TBC1D1: variants seen among roughly 807,000 people sequenced by gnomAD.
The protein encoded by TBC1D1 is TBC1 domain family member 1.
In TBC1D1, 89 loss-of-function variants were observed where a neutral mutation model predicts 125.6. That is an observed-to-expected ratio of 0.71 (90% CI 0.60 to 0.85). The LOEUF (loss-of-function observed/expected upper bound fraction) is 0.85, where lower values mean the gene tolerates loss of function less well. Ranked by LOEUF, TBC1D1 falls within the 40% of genes least tolerant of loss-of-function variation. The pLI is 0.00. For synonymous variants in TBC1D1, 565 were observed against 564.1 expected (o/e 1.00, Z -0.02); for missense variants, 1,377 against 1,469.2 (o/e 0.94, Z 1.03).
intron 12 of TBC1D1, among the ~76,000 whole-genome samples, chr4:38,070,597 G>T (rs548983919): frequency 2.1e-4 from 32 of 152,172 alleles, no homozygotes; most frequent in African/African-American, 7.7e-4. Flanking sequence ...GTATAAAGGG[G>T]TATATGATTT....
chr4:38,003,593 TGTG>T (rs1374493111), intron 2 of TBC1D1, among the ~76,000 whole-genome samples: 1 of 152,148 alleles, frequency 6.6e-6, no homozygotes, highest in African/African-American at 2.4e-5. Flanking sequence ...GGCAGTCAGA[TGTG>T]GTGGCTCATA....
At chr4:38,033,888 A>G (rs1286113325) in intron 7 of TBC1D1, among the ~76,000 whole-genome samples, 1 of 152,200 alleles carries the variant, frequency 6.6e-6, no homozygotes, top group African/African-American at 2.4e-5. Flanking sequence ...CTCATTGCTG[A>G]ATAATACTCA....
At position 37,942,537 on chromosome 4, in the gene TBC1D1, G is replaced by GT. The variant is rs1039023009; in HGVS notation, c.417+40033dup. On this transcript the variant is annotated intron_variant, in intron 2 of 19. Coordinates refer to ENST00000261439, the MANE Select transcript of TBC1D1 (RefSeq NM_015173.4). ...ATTTACACTTAAGGTTAATATTGGT[G>GT]TTTTTTTTGTTTTTTTTTTAGGACG... Among the ~76,000 whole-genome samples the GT allele has an allele frequency of 3.3e-4, 50 of 150,872 alleles. 1 individual carries two copies. The highest frequency in any genetic ancestry group is 9.8e-4 in the East Asian group (5 of 5,124).
chr4:37,898,499 A>G (rs1296806228), intron 1 of TBC1D1, among the ~76,000 whole-genome samples: 1 of 152,194 alleles, frequency 6.6e-6, no homozygotes, highest in African/African-American at 2.4e-5. Flanking sequence ...CATGGAAGAT[A>G]GAAATAGAGT....
rs768250413 is a variant in TBC1D1 at position 38,035,748 on chromosome 4, CTGTAT to C, written c.1413+51_1413+55del. The stretch of plus-strand genomic sequence containing the variant: ...TTGTTGCCAAGTCTCTGCCAAGTCT[CTGTAT>C]AAACAACGTTTTGAGGATTTTCTGA... On this transcript the variant is annotated intron_variant, in intron 8 of 19. Transcript: ENST00000261439. The C allele has an allele frequency of 3.4e-5, 45 of 1,336,852 alleles. No individual in the cohort carries two copies. The South Asian group carries it at 5.5e-4, about 16-fold the overall frequency. 82.8% of individuals were successfully genotyped at this position (1,336,852 alleles called of 1,614,324 possible).
At chr4:37,953,764 T>TG (rs1292631172) in intron 2 of TBC1D1, among the ~76,000 whole-genome samples, 1 of 152,154 alleles carries the variant, frequency 6.6e-6, no homozygotes, top group East Asian at 1.9e-4. Flanking sequence ...TTGAGAAGAT[T>TG]GGATGGTTAC....
intron 11 of TBC1D1, among the ~76,000 whole-genome samples, 162 bp from the exon 14 acceptor site, chr4:38,054,037 G>A (rs552405462): frequency 2.0e-5 from 3 of 152,318 alleles, no homozygotes; most frequent in African/African-American, 7.2e-5. Flanking sequence ...CAGTTCTTTA[G>A]GAATGATGAC....
intron 14 of TBC1D1, among the ~76,000 whole-genome samples, chr4:38,101,030 T>C (rs1313519652): frequency 6.6e-6 from 1 of 152,232 alleles, no homozygotes; most frequent in Non-Finnish European, 1.5e-5. Context: ...GCCTCTCTTT[T>C]CTTTACCATG....
chr4:38,093,053 A>G (rs896208391), intron 13 of TBC1D1, among the ~76,000 whole-genome samples: 1 of 152,182 alleles, frequency 6.6e-6, no homozygotes, highest in Admixed American at 6.5e-5. Flanking sequence ...TCTTGTCAAC[A>G]TTATAAGAAA....
chr4:37,917,771 C>T (rs1720047442), intron 2 of TBC1D1, among the ~76,000 whole-genome samples: 1 of 152,164 alleles, frequency 6.6e-6, no homozygotes, highest in Admixed American at 6.5e-5. Flanking sequence ...GGACTATATA[C>T]TTTTGTACCA....
intron 2 of TBC1D1, among the ~76,000 whole-genome samples, chr4:37,992,923 G>A (rs1340176016): frequency 2.6e-5 from 4 of 151,650 alleles, no homozygotes; most frequent in Admixed American, 1.3e-4. Flanking sequence ...TCCTGCCTTG[G>A]CCTCCCGAGT....
intron 1 of TBC1D1, among the ~76,000 whole-genome samples, chr4:37,899,646 T>G (rs991005588): frequency 6.6e-6 from 1 of 152,226 alleles, no homozygotes; most frequent in Non-Finnish European, 1.5e-5. Flanking sequence ...AGAAGTCAGC[T>G]GCTGTCATCA....
At chr4:38,046,012 C>T in intron 10 of TBC1D1, 109 bp downstream of exon 10, 1 of 960,380 alleles carries the variant, frequency 1.0e-6, no homozygotes. Flanking sequence ...TTGCAAATTT[C>T]TTGGCACAGG....
chr4:38,028,775 C>T (rs941792449), intron 7 of TBC1D1, among the ~76,000 whole-genome samples: 3 of 152,194 alleles, frequency 2.0e-5, no homozygotes, highest in East Asian at 1.9e-4. Context: ...AACCTCTGCC[C>T]GCCCCTTCCC....
intron 19 of TBC1D1, among the ~76,000 whole-genome samples, chr4:38,135,906 A>G (rs191327003): frequency 2.7e-5 from 4 of 148,212 alleles, no homozygotes; most frequent in Admixed American, 1.4e-4. Flanking sequence ...GTGTGTGTAT[A>G]TATACGTGTG....
intron 12 of TBC1D1, among the ~76,000 whole-genome samples, chr4:38,062,544 G>C (rs1752950293): frequency 6.6e-6 from 1 of 152,088 alleles, no homozygotes; most frequent in South Asian, 2.1e-4. Flanking sequence ...AATATTGCAA[G>C]CCAAGAATCT....
chr4:38,121,689 T>C lies in TBC1D1; in HGVS notation c.2963-3273T>C, dbSNP rs1054236434. 3.3e-5 allele frequency among the ~76,000 whole-genome samples: 5 copies of C among 152,306 alleles called. 1 individual carries two copies. The South Asian group carries it at 6.2e-4, about 19-fold the overall frequency. On this transcript the variant is annotated intron_variant, in intron 17 of 19. Transcript: ENST00000261439. ...TTGCTCACTTTTCCAAGGAGAGTTATTGTTTTTTTGTTTTGTTTTGTTTTG... is the reference window on the plus strand; with the variant it reads ...TTGCTCACTTTTCCAAGGAGAGTTACTGTTTTTTTGTTTTGTTTTGTTTTG...
intron 8 of TBC1D1, among the ~76,000 whole-genome samples, chr4:38,040,064 AT>A (rs967988261): frequency 5.3e-5 from 8 of 152,124 alleles, no homozygotes; most frequent in Admixed American, 1.3e-4. Context: ...AATGTGAATT[AT>A]TTTTTAAATG....
chr4:38,014,637 G>A lies in TBC1D1; in HGVS notation c.546G>A (p.Thr182=). 1 of 1,613,364 alleles carries A rather than the reference G, an allele frequency of 6.2e-7. No homozygotes were observed. Among genetic ancestry groups the A allele is most frequent in the Non-Finnish European group, 8.5e-7 (1 of 1,180,038 alleles). ...AGGTGCTCTTCTGCGGCCGCGTGAC[G>A]GTGGCGCACAAGAAGGCTCCGCCGG... The change falls in exon 3 of 20, where the codon ACG becomes ACA. Residue 182 remains threonine, a synonymous_variant. Transcript: ENST00000261439. The surrounding 1 kb of genome is among the most constrained non-coding windows in gnomAD (Gnocchi z 5.1).
Sources: gnomAD v4.1 joint callset for allele counts (sites outside exome capture counted in the v4.1 genomes callset) on GRCh38, gnomAD v4.1.1 for gene constraint, Gnocchi (gnomAD v3.1) non-coding constraint, MANE v1.5 for transcripts, NCBI Gene and HGNC (gene_info 2026-07-23, HGNC 2026-07-21) for gene names.